The following FMN2 variants were observed in gnomAD, a reference collection of about 807,000 sequenced individuals.
FMN2 encodes formin-2.
Under a neutral mutation model 142.3 loss-of-function variants are expected in FMN2, and 51 were observed. The observed-to-expected ratio is 0.36, with a 90% CI of 0.29 to 0.45. The LOEUF (loss-of-function observed/expected upper bound fraction) is 0.45, where lower values mean the gene tolerates loss of function less well. Among genes scored for constraint, FMN2 ranks in the 20% least tolerant of loss-of-function variants. FMN2 has a pLI of 1.00. For synonymous variants in FMN2, 882 were observed against 869.8 expected, an observed-to-expected ratio of 1.01 and a Z score of -0.25; for missense variants, 1,936 against 2,122.8, an observed-to-expected ratio of 0.91 and a Z score of 1.73.
At chr1:240,252,912 GTT>G (rs1374911111) in intron 6 of FMN2, among the ~76,000 whole-genome samples, 6 of 130,266 alleles carry the variant, frequency 4.6e-5, no homozygotes, top group Non-Finnish European at 9.7e-5. Flanking sequence ...TCAAATATTT[GTT>G]TGCTTTATGG....
chr1:240,179,836 T>G (rs1330617917), intron 3 of FMN2, among the ~76,000 whole-genome samples: 1 of 152,204 alleles, frequency 6.6e-6, no homozygotes, highest in Non-Finnish European at 1.5e-5. Flanking sequence ...CATCATTGAT[T>G]GGGTGATATT....
intron 8 of FMN2, among the ~76,000 whole-genome samples, chr1:240,324,265 A>T (rs1671075775): frequency 6.6e-6 from 1 of 152,200 alleles, no homozygotes; most frequent in Admixed American, 6.5e-5. Flanking sequence ...TGGTGAAGTT[A>T]CCTTTTCCAG....
At chr1:240,429,376 T>C (rs1026108288) in intron 15 of FMN2, among the ~76,000 whole-genome samples, 1 of 152,180 alleles carries the variant, frequency 6.6e-6, no homozygotes, top group African/African-American at 2.4e-5. Context: ...CCATTTGCAA[T>C]CTCCTGTATT....
intron 7 of FMN2, among the ~76,000 whole-genome samples, chr1:240,284,343 G>C (rs75122386): frequency 2.5e-4 from 38 of 152,178 alleles, no homozygotes; most frequent in East Asian, 7.7e-4. Context: ...TTTAAGCTGG[G>C]GGGGAGGATT....
At chr1:240,238,998 C>T (rs1259258877) in intron 6 of FMN2, among the ~76,000 whole-genome samples, 1 of 152,030 alleles carries the variant, frequency 6.6e-6, no homozygotes, top group Non-Finnish European at 1.5e-5. Context: ...TAAATGGAGC[C>T]TTCAGGAGTG....
intron 8 of FMN2, among the ~76,000 whole-genome samples, chr1:240,309,469 G>A (rs1670528628): frequency 6.6e-6 from 1 of 152,180 alleles, no homozygotes; most frequent in Non-Finnish European, 1.5e-5. Flanking sequence ...GCCTTGGCTG[G>A]TGCAGGTGCA....
chr1:240,227,995 A>T (rs1010813717), intron 6 of FMN2, among the ~76,000 whole-genome samples: 29 of 152,146 alleles, frequency 1.9e-4, no homozygotes, highest in Middle Eastern at 6.8e-3. Context: ...CAATAATTTT[A>T]AAAAAATCTA....
In FMN2 at chr1:240,132,358, T is replaced by C. The variant is rs554381750; in HGVS notation, c.1782+9013T>C. On this transcript the variant is annotated intron_variant, in intron 2 of 17. Transcript: ENST00000319653. ...TTGACCAATCAAAAGATTAAAGTTC[T>C]TAAGGACAGTGGAGAATAATTAGAT... 9.5e-4 allele frequency among the ~76,000 whole-genome samples: 144 copies of C among 152,258 alleles called. 1 individual carries two copies. Among genetic ancestry groups the C allele is most frequent in the African/African-American group, 3.2e-3 (131 of 41,550 alleles).
chr1:240,439,325 G>A (rs1572315222), intron 16 of FMN2, among the ~76,000 whole-genome samples: 1 of 150,178 alleles, frequency 6.7e-6, no homozygotes, highest in African/African-American at 2.5e-5. Flanking sequence ...GAGAAACTTT[G>A]TTCACAAAAT....
At chr1:240,226,636 T>G (rs1422532347) in intron 6 of FMN2, among the ~76,000 whole-genome samples, 1 of 152,156 alleles carries the variant, frequency 6.6e-6, no homozygotes, top group Non-Finnish European at 1.5e-5. Context: ...ATAGTATAAT[T>G]ACATAGTTCT....
At chr1:240,293,110 A>G (rs558893601) in intron 7 of FMN2, among the ~76,000 whole-genome samples, 2 of 152,290 alleles carry the variant, frequency 1.3e-5, no homozygotes, top group African/African-American at 2.4e-5. Context: ...GATCTCATGT[A>G]TATGACATTG....
intron 1 of FMN2, among the ~76,000 whole-genome samples, chr1:240,117,221 C>G (rs1170600598): frequency 2.0e-5 from 3 of 152,146 alleles, no homozygotes; most frequent in African/African-American, 7.2e-5. Flanking sequence ...TCCATTGTCT[C>G]AGTAAATCAT....
rs139517285 is a variant in FMN2, at chr1:240,433,273, T to C, written c.4911-4788T>C. On this transcript the variant is annotated intron_variant, in intron 15 of 17. Coordinates refer to ENST00000319653, the MANE Select transcript of FMN2 (RefSeq NM_020066.5). ...GATAATAAAACCAGGCCAACTTTGC[T>C]ATGGTTAGTGTTTTTACGTAGCTTT... Among the ~76,000 whole-genome samples, 191 of 152,328 alleles carry C rather than the reference T, an allele frequency of 1.3e-3. 3 individuals are homozygous for C. The highest frequency in any genetic ancestry group is 3.1e-3 in the Admixed American group (47 of 15,298).
chr1:240,123,685 C>T (rs1662386650), intron 2 of FMN2, among the ~76,000 whole-genome samples: 1 of 151,982 alleles, frequency 6.6e-6, no homozygotes, highest in Admixed American at 6.6e-5. Context: ...TAAAATTTAC[C>T]TCTGTAACCA....
intron 2 of FMN2, among the ~76,000 whole-genome samples, chr1:240,135,195 G>C (rs1383078431): frequency 6.6e-6 from 1 of 152,188 alleles, no homozygotes; most frequent in Non-Finnish European, 1.5e-5. Flanking sequence ...CTAAGACAGG[G>C]AGGAACCAGA....
At chr1:240,276,117 A>T (rs1293887758) in intron 7 of FMN2, among the ~76,000 whole-genome samples, 1 of 152,186 alleles carries the variant, frequency 6.6e-6, no homozygotes, top group East Asian at 1.9e-4. Context: ...TAGCCTGGGC[A>T]ATCCCTATCA....
At chr1:240,377,251 A>G (rs1469083648) in intron 14 of FMN2, among the ~76,000 whole-genome samples, 1 of 151,866 alleles carries the variant, frequency 6.6e-6, no homozygotes, top group Non-Finnish European at 1.5e-5. Context: ...GCTTTCTTGA[A>G]ATTATTTATT....
intron 11 of FMN2, among the ~76,000 whole-genome samples, chr1:240,332,928 T>C (rs1671428449): frequency 6.6e-6 from 1 of 152,164 alleles, no homozygotes; most frequent in South Asian, 2.1e-4. Flanking sequence ...GTTGCTTAAA[T>C]CATTTTACAA....
At chr1:240,239,753 C>T (rs527602688) in intron 6 of FMN2, among the ~76,000 whole-genome samples, 6 of 152,306 alleles carry the variant, frequency 3.9e-5, no homozygotes, top group Middle Eastern at 3.4e-3. Context: ...TGAAGCAAAA[C>T]GCCTGAATAC....
Sources: gnomAD v4.1 joint callset for allele counts (sites outside exome capture counted in the v4.1 genomes callset) on GRCh38, gnomAD v4.1.1 for gene constraint, MANE v1.5 for transcripts, NCBI Gene and HGNC (gene_info 2026-07-23, HGNC 2026-07-21) for gene names.